Variants in PCDHGB4 observed in about 807,000 individuals in gnomAD.
The protein encoded by PCDHGB4 is protocadherin gamma-B4.
A neutral mutation model predicts 60.5 loss-of-function variants in PCDHGB4; 38 were observed. That is an observed-to-expected ratio of 0.63 (90% CI 0.48 to 0.82). PCDHGB4 has a LOEUF of 0.82. Among genes scored for constraint, PCDHGB4 ranks in the 40% least tolerant of loss-of-function variants. PCDHGB4 has a pLI of 0.00. For missense variants in PCDHGB4, 1,109 were observed against 1,209.6 expected, an observed-to-expected ratio of 0.92 and a Z score of 1.23; for synonymous variants, 456 against 509.7, an observed-to-expected ratio of 0.89 and a Z score of 1.42.
At chr5:141,463,955 A>G (rs2154568299) in intron 1 of PCDHGB4, among the ~76,000 whole-genome samples, 1 of 152,288 alleles carries the variant, frequency 6.6e-6, no homozygotes, top group Middle Eastern at 3.4e-3. Flanking sequence ...CTTCATTTTT[A>G]AAATAGCTTC....
chr5:141,388,381 C>T lies in PCDHGB4; in HGVS notation c.497C>T (p.Thr166Ile), dbSNP rs370363580. Residue 166 changes from threonine to isoleucine, a missense_variant, in exon 1 of 4, where the codon ACA (threonine) becomes ATA (isoleucine). Physicochemically the swap from Thr to Ile is moderately conservative, Grantham distance 89. Coordinates refer to ENST00000519479, the MANE Select transcript of PCDHGB4 (RefSeq NM_003736.4). ...CATGATGCGGATATTGGTAGCAACA[C>T]ACTGCAGAATTACCAACTCAGTCCC... ...SAHDADIGSN[T>I]LQNYQLSPSD... The T allele has an allele frequency of 1.9e-6, 3 of 1,613,888 alleles. No homozygotes were observed. The highest frequency in any genetic ancestry group is 2.7e-5 in the African/African-American group (2 of 74,946).
intron 1 of PCDHGB4, chr5:141,399,930 C>G (rs1168427748): frequency 6.2e-7 from 1 of 1,612,208 alleles, no homozygotes. Context: ...CCTGGCTGTC[C>G]TACCACGTGC....
chr5:141,408,302 C>T (rs1017556555), intron 1 of PCDHGB4: 1 of 1,613,780 alleles, frequency 6.2e-7, no homozygotes, highest in Non-Finnish European at 8.5e-7. Context: ...TGAGCCGATC[C>T]GCTACTCGAT....
In PCDHGB4 at chr5:141,489,223, C is replaced by T. The variant is rs771455540; in HGVS notation, c.2398-5584C>T. The T allele has an allele frequency of 6.6e-7, 1 of 1,515,444 alleles. No homozygotes were observed. The highest frequency in any genetic ancestry group is 1.3e-5 in the South Asian group (1 of 75,776). 93.9% of individuals were successfully genotyped at this position (1,515,444 alleles called of 1,614,324 possible). A position where few individuals can be genotyped will look rare whatever the true frequency, so the allele number is the denominator to read the frequency against. The stretch of plus-strand genomic sequence containing the variant: ...CAGGACAGCACAGACTTACTCTCCA[C>T]AAAGGGACTTCTGGGTCATGGGGCC... On this transcript the variant is annotated intron_variant, in intron 1 of 3. Coordinates refer to ENST00000519479, the MANE Select transcript of PCDHGB4 (RefSeq NM_003736.4). The surrounding 1 kb of genome is among the most constrained non-coding windows in gnomAD (Gnocchi z 4.5).
At position 141,489,515 on chromosome 5, in the gene PCDHGB4, G is replaced by T; in HGVS notation, c.2398-5292G>T. ...CTGGCAGTGAATCAAAAGATTGACC[G>T]AGAAAGCCTATGTGGAGCCAGCACC... On this transcript the variant is annotated intron_variant, in intron 1 of 3. Coordinates refer to ENST00000519479, the MANE Select transcript of PCDHGB4 (RefSeq NM_003736.4). This position sits in a 1 kb window ranked among gnomAD's most constrained non-coding sequence, Gnocchi z 4.5. 4.3e-6 allele frequency: 7 copies of T among 1,614,104 alleles called. No individual in the cohort carries two copies. Among genetic ancestry groups the T allele is most frequent in the Non-Finnish European group, 5.9e-6 (7 of 1,180,034 alleles).
intron 1 of PCDHGB4, chr5:141,421,504 C>A (rs757410882): frequency 1.2e-6 from 2 of 1,614,062 alleles, no homozygotes; most frequent in Admixed American, 1.7e-5. Context: ...CAGGATAGAC[C>A]GGGAGGAGCT....
Position 141,432,701 on chromosome 5 carries a change from G to A in PCDHGB4, c.2397+42420G>A, listed in dbSNP as rs200101512. ...GCAGAGCCTCGTAGTGGCCGTCCAG[G>A]ACCACGGCCAGCCCCCTCTCTCCGC... On this transcript the variant is annotated intron_variant, in intron 1 of 3. Coordinates refer to ENST00000519479, the MANE Select transcript of PCDHGB4 (RefSeq NM_003736.4). This position sits in a 1 kb window ranked among gnomAD's most constrained non-coding sequence, Gnocchi z 6.0. The A allele has an allele frequency of 2.7e-5, 44 of 1,613,842 alleles. No homozygotes were observed. The Admixed American group carries it at 5.3e-4, about 20-fold the overall frequency.
intron 1 of PCDHGB4, among the ~76,000 whole-genome samples, chr5:141,446,714 G>T (rs193229261): frequency 2.6e-5 from 4 of 152,044 alleles, no homozygotes; most frequent in African/African-American, 9.7e-5. Flanking sequence ...TGATCTGCCC[G>T]CCTCGGCCTC....
intron 1 of PCDHGB4, among the ~76,000 whole-genome samples, chr5:141,484,170 A>G (rs962978452): frequency 6.6e-6 from 1 of 152,210 alleles, no homozygotes; most frequent in Non-Finnish European, 1.5e-5. Context: ...TTGGTAGCTG[A>G]TCTCAATCAT....
At chr5:141,400,592 G>T in intron 1 of PCDHGB4, 1 of 1,603,196 alleles carries the variant, frequency 6.2e-7, no homozygotes, top group Non-Finnish European at 8.5e-7. Context: ...TGAAACTATC[G>T]TACATTTTCA....
rs1330463387 is a variant in PCDHGB4, at chr5:141,393,177, G to C, written c.2397+2896G>C. ...AGGAAAACTCTTTGGGGTAGAAATA[G>C]AAATAATTGATATTAACGATAATAA... On this transcript the variant is annotated intron_variant, in intron 1 of 3. Transcript: ENST00000519479. The C allele has an allele frequency of 1.2e-6, 2 of 1,613,174 alleles. No individual in the cohort carries two copies. Among genetic ancestry groups the C allele is most frequent in the Non-Finnish European group, 1.7e-6 (2 of 1,179,896 alleles).
chr5:141,430,790 A>G, intron 1 of PCDHGB4: 1 of 1,516,892 alleles, frequency 6.6e-7, no homozygotes, highest in South Asian at 1.3e-5. Context: ...CCGGGACTAC[A>G]AAGGGCTTGT....
intron 1 of PCDHGB4, among the ~76,000 whole-genome samples, chr5:141,436,531 G>T (rs1365651055): frequency 6.6e-6 from 1 of 152,152 alleles, no homozygotes; most frequent in African/African-American, 2.4e-5. Context: ...CCTTTAGCAA[G>T]TTATTTAATC....
intron 1 of PCDHGB4, among the ~76,000 whole-genome samples, chr5:141,462,125 A>AT (rs1561991410): frequency 6.6e-6 from 1 of 151,688 alleles, no homozygotes; most frequent in African/African-American, 2.4e-5. Context: ...ACCCAGTCCA[A>AT]TTTTTTGTAT....
Position 141,485,175 on chromosome 5 carries a change from T to C in PCDHGB4, c.2398-9632T>C, listed in dbSNP as rs2099608731. ...GTAGAGAATTAGCGGGCGGCAGCAA[T>C]GCTCCGCAAGGTGAGAAGCTGGACA... On this transcript the variant is annotated intron_variant, in intron 1 of 3. Coordinates refer to ENST00000519479, the MANE Select transcript of PCDHGB4 (RefSeq NM_003736.4). The surrounding 1 kb of genome is among the most constrained non-coding windows in gnomAD (Gnocchi z 5.7). 6.2e-7 allele frequency: 1 copy of C among 1,611,486 alleles called. No homozygotes were observed. Among genetic ancestry groups the C allele is most frequent in the Non-Finnish European group, 8.5e-7 (1 of 1,177,998 alleles).
In PCDHGB4 at chr5:141,489,198, C is replaced by G; in HGVS notation, c.2398-5609C>G. 1 of 1,392,402 alleles carries G rather than the reference C, an allele frequency of 7.2e-7. No individual in the cohort carries two copies. Among genetic ancestry groups the G allele is most frequent in the South Asian group, 1.4e-5 (1 of 71,348 alleles). The allele number at this position is 1,392,402 out of a possible 1,614,324, so 86.3% of individuals were successfully genotyped here. A position where few individuals can be genotyped will look rare whatever the true frequency, so the allele number is the denominator to read the frequency against. On this transcript the variant is annotated intron_variant, in intron 1 of 3. Coordinates refer to ENST00000519479, the MANE Select transcript of PCDHGB4 (RefSeq NM_003736.4). This position sits in a 1 kb window ranked among gnomAD's most constrained non-coding sequence, Gnocchi z 4.5. ...CCAAGCCCTGGGTCTACCTTGGAGA[C>G]AGGACAGCACAGACTTACTCTCCAC...
intron 1 of PCDHGB4, among the ~76,000 whole-genome samples, chr5:141,454,538 C>G (rs1229435473): frequency 6.6e-6 from 1 of 152,110 alleles, no homozygotes; most frequent in African/African-American, 2.4e-5. Context: ...TCCCAAGTAG[C>G]TGAGATTACA....
At position 141,431,566 on chromosome 5, in the gene PCDHGB4, T is replaced by G; in HGVS notation, c.2397+41285T>G. ...TGCTTGTAGTCAACGCTACCGACCCTGACGAAGGAGTCAATGCGGAAGTGA... is the reference window on the plus strand; with the variant it reads ...TGCTTGTAGTCAACGCTACCGACCCGGACGAAGGAGTCAATGCGGAAGTGA... On this transcript the variant is annotated intron_variant, in intron 1 of 3. Transcript: ENST00000519479. This position sits in a 1 kb window ranked among gnomAD's most constrained non-coding sequence, Gnocchi z 4.8. 6.2e-7 allele frequency: 1 copy of G among 1,614,128 alleles called. No homozygotes were observed. The highest frequency in any genetic ancestry group is 1.1e-5 in the South Asian group (1 of 91,088).
rs777487681 is a variant in PCDHGB4, at chr5:141,432,809, T to C, written c.2397+42528T>C. 2.5e-6 allele frequency: 4 copies of C among 1,613,280 alleles called. No individual in the cohort carries two copies. In the African/African-American group the frequency reaches 5.4e-5, roughly 22 times the overall value. The stretch of plus-strand genomic sequence containing the variant: ...CGGCAGCCTCGAGTCTCCAGCTAAC[T>C]CTGAAACCTCAGACCTCACTCTGTA... On this transcript the variant is annotated intron_variant, in intron 1 of 3. Coordinates refer to ENST00000519479, the MANE Select transcript of PCDHGB4 (RefSeq NM_003736.4). The surrounding 1 kb of genome is among the most constrained non-coding windows in gnomAD (Gnocchi z 6.0).
Sources: allele counts gnomAD v4.1 joint callset (sites outside exome capture counted in the v4.1 genomes callset), GRCh38; gene constraint gnomAD v4.1.1; non-coding constraint Gnocchi (gnomAD v3.1); transcripts MANE v1.5; gene names NCBI Gene and HGNC (gene_info 2026-07-23, HGNC 2026-07-21).